KCNJ10: variants seen among roughly 807,000 people sequenced by gnomAD.
The protein encoded by KCNJ10 is potassium inwardly rectifying channel subfamily J member 10.
A neutral mutation model predicts 22.2 loss-of-function variants in KCNJ10; 9 were observed. The ratio of observed to expected loss-of-function variants is 0.40; its 90% CI spans 0.24 to 0.71. KCNJ10 has a LOEUF of 0.71. KCNJ10 is among the 30% of genes least tolerant of loss of function. KCNJ10 has a pLI of 0.35. For synonymous variants in KCNJ10, 184 were observed against 187.3 expected (o/e 0.98, Z 0.15); for missense variants, 337 against 482.7 (o/e 0.70, Z 2.83).
chr1:160,069,583 G>T (rs911706113), intron 1 of KCNJ10, among the ~76,000 whole-genome samples: 2 of 152,122 alleles, frequency 1.3e-5, no homozygotes, highest in African/African-American at 4.8e-5. Context: ...AGCGATCATG[G>T]GTGTCACTAT....
intron 1 of KCNJ10, among the ~76,000 whole-genome samples, chr1:160,061,285 T>C (rs1378839586): frequency 6.6e-6 from 1 of 152,148 alleles, no homozygotes; most frequent in African/African-American, 2.4e-5. Context: ...CTGGACACCA[T>C]CATCTTACCT....
chr1:160,062,265 G>C (rs1261144700), intron 1 of KCNJ10, among the ~76,000 whole-genome samples: 1 of 152,212 alleles, frequency 6.6e-6, no homozygotes, highest in African/African-American at 2.4e-5. Context: ...GCGAAGGGGG[G>C]GTGGTGGGGA....
At chr1:160,043,860 C>T (rs1648676162) in intron 1 of KCNJ10, among the ~76,000 whole-genome samples, 1 of 152,198 alleles carries the variant, frequency 6.6e-6, no homozygotes, top group Non-Finnish European at 1.5e-5. Context: ...TTTTCCAGCA[C>T]AGAAAGAATT....
At chr1:160,049,720 T>TAA (rs1201390198) in intron 1 of KCNJ10, among the ~76,000 whole-genome samples, 40 of 122,882 alleles carry the variant, frequency 3.3e-4, no homozygotes, top group African/African-American at 1.2e-3. Context: ...TATATATATA[T>TAA]GTTATCCTAA....
At chr1:160,064,202 C>A (rs1342899974) in intron 1 of KCNJ10, among the ~76,000 whole-genome samples, 1 of 152,172 alleles carries the variant, frequency 6.6e-6, no homozygotes, top group Non-Finnish European at 1.5e-5. Flanking sequence ...GGTCCCTGGA[C>A]CCTTTCGGAG....
intron 1 of KCNJ10, among the ~76,000 whole-genome samples, chr1:160,051,240 T>G (rs1648895848): frequency 6.6e-6 from 1 of 152,106 alleles, no homozygotes; most frequent in African/African-American, 2.4e-5. Context: ...TGGTCATTCT[T>G]TCTTAGAGCC....
chr1:160,056,266 T>C (rs1012527570), intron 1 of KCNJ10, among the ~76,000 whole-genome samples: 2 of 152,194 alleles, frequency 1.3e-5, no homozygotes, highest in African/African-American at 4.8e-5. Flanking sequence ...CACTTGGCTT[T>C]AAAATCTTCA....
intron 1 of KCNJ10, among the ~76,000 whole-genome samples, chr1:160,050,850 C>T (rs1648884943): frequency 6.6e-6 from 1 of 152,096 alleles, no homozygotes; most frequent in Non-Finnish European, 1.5e-5. Flanking sequence ...TGGCCAGCTG[C>T]AGGGCCAGGG....
In KCNJ10 at chr1:160,040,834, A is replaced by G. The variant is rs1648583073; in HGVS notation, c.*559T>C. On this transcript the variant is annotated 3_prime_UTR_variant, in exon 2 of 2. Coordinates refer to ENST00000644903, the MANE Select transcript of KCNJ10 (RefSeq NM_002241.5). The stretch of plus-strand genomic sequence containing the variant: ...TTCTAGCTTATGGTCAGAAGTCACC[A>G]GCAGAAATCAAGCTTCACAGTGGCA... The G allele has an allele frequency of 7.9e-6, 3 of 378,894 alleles. No homozygotes were observed. The highest frequency in any genetic ancestry group is 1.4e-5 in the Non-Finnish European group (3 of 212,578). 23.5% of individuals were successfully genotyped at this position (378,894 alleles called of 1,614,324 possible). A position where few individuals can be genotyped will look rare whatever the true frequency, so the allele number is the denominator to read the frequency against.
rs200185135 is a variant in KCNJ10, at chr1:160,041,425, T to C, written c.1108A>G (p.Ser370Gly). Residue 370 changes from serine to glycine, a missense_variant, in exon 2 of 2, where the codon AGT becomes GGT. Physicochemically the swap from Ser to Gly is moderately conservative, Grantham distance 56. Transcript: ENST00000644903. This position sits in a 1 kb window ranked among gnomAD's most constrained non-coding sequence, Gnocchi z 4.4. ...TTGCTGATGCGCACACTAAGGGCAC[T>C]GCCCTCCTTCTCAGCTTGCTCCCTT... Reference protein sequence around the residue: ...SLREQAEKEGSALSVRISNV With the variant: ...SLREQAEKEGGALSVRISNV 1 of 1,613,576 alleles carries C rather than the reference T, an allele frequency of 6.2e-7. No homozygotes were observed. Among genetic ancestry groups the C allele is most frequent in the Non-Finnish European group, 8.5e-7 (1 of 1,179,980 alleles).
At chr1:160,058,421 G>A (rs77295469) in intron 1 of KCNJ10, among the ~76,000 whole-genome samples, 8,970 of 152,222 alleles carry the variant, frequency 0.059, 855 homozygotes, top group African/African-American at 0.2. Flanking sequence ...AAAATCCAGG[G>A]TCTTCTGTGG....
chr1:160,050,109 T>A (rs867247530), intron 1 of KCNJ10, among the ~76,000 whole-genome samples: 1 of 152,172 alleles, frequency 6.6e-6, no homozygotes, highest in Non-Finnish European at 1.5e-5. Context: ...GTATGAGCTG[T>A]GTTTTTGTTC....
At chr1:160,067,713 A>G (rs1188881488) in intron 1 of KCNJ10, among the ~76,000 whole-genome samples, 2 of 152,114 alleles carry the variant, frequency 1.3e-5, no homozygotes, top group African/African-American at 2.4e-5. Flanking sequence ...CCATTGCCCA[A>G]TGTCTCTTTT....
chr1:160,049,675 TTATATATATATA>T (rs57790887), intron 1 of KCNJ10, among the ~76,000 whole-genome samples: 664 of 47,108 alleles, frequency 0.014, 21 homozygotes, highest in African/African-American at 0.041. Context: ...TTTTATTTAT[TTATATATATATA>T]TATATATATA....
Position 160,061,088 on chromosome 1 carries a change from C to G in KCNJ10, c.-1+8934G>C, listed in dbSNP as rs141388455. 1.1e-4 allele frequency among the ~76,000 whole-genome samples: 16 copies of G among 152,272 alleles called. No individual in the cohort carries two copies. The East Asian group carries it at 2.9e-3, about 28-fold the overall frequency. On this transcript the variant is annotated intron_variant, in intron 1 of 1. Coordinates refer to ENST00000644903, the MANE Select transcript of KCNJ10 (RefSeq NM_002241.5). Reference sequence around the variant, plus strand: ...CCTAGACCCGTTCTTCTCCCCACCCCTTCCCCTCACCATGCCCCCACTCCT... The same window carrying G: ...CCTAGACCCGTTCTTCTCCCCACCCGTTCCCCTCACCATGCCCCCACTCCT...
At chr1:160,069,797 G>A (rs867593544) in intron 1 of KCNJ10, among the ~76,000 whole-genome samples, 143 of 152,334 alleles carry the variant, frequency 9.4e-4, no homozygotes, top group African/African-American at 3.4e-3. Context: ...TTCCTTAGAT[G>A]AAAGGGCTGA....
At chr1:160,049,675 T>TTATATATATATATA (rs57790887) in intron 1 of KCNJ10, among the ~76,000 whole-genome samples, 2 of 47,094 alleles carry the variant, frequency 4.2e-5, no homozygotes, top group African/African-American at 1.4e-4. Context: ...TTTTATTTAT[T>TTATATATATATATA]TATATATATA....
intron 1 of KCNJ10, among the ~76,000 whole-genome samples, chr1:160,043,315 A>ACCCC (rs75470525): frequency 7.6e-6 from 1 of 131,098 alleles, no homozygotes; most frequent in Non-Finnish European, 1.7e-5. Context: ...ACACACACAC[A>ACCCC]ACCTTAATTT....
chr1:160,053,204 C>A (rs1327100464), intron 1 of KCNJ10, among the ~76,000 whole-genome samples: 1 of 152,194 alleles, frequency 6.6e-6, no homozygotes, highest in East Asian at 1.9e-4. Context: ...ACTCCTCCCC[C>A]CGGCCTCGGT....
Sources: gnomAD v4.1 joint callset for allele counts (sites outside exome capture counted in the v4.1 genomes callset) on GRCh38, gnomAD v4.1.1 for gene constraint, Gnocchi (gnomAD v3.1) non-coding constraint, MANE v1.5 for transcripts, NCBI Gene and HGNC (gene_info 2026-07-23, HGNC 2026-07-21) for gene names.